Variants in LRRIQ4 observed in about 807,000 individuals in gnomAD.
The protein encoded by LRRIQ4 is leucine rich repeats and IQ motif containing 4.
In LRRIQ4, 21 loss-of-function variants were observed where a neutral mutation model predicts 40.1. The observed-to-expected ratio is 0.52, with a 90% CI of 0.37 to 0.75. The LOEUF (loss-of-function observed/expected upper bound fraction) is 0.75, where lower values mean the gene tolerates loss of function less well. Ranked by LOEUF, LRRIQ4 falls within the 30% of genes least tolerant of loss-of-function variation. The pLI is 0.00. For missense variants in LRRIQ4, 655 were observed against 660.0 expected (o/e 0.99, Z 0.08); for synonymous variants, 277 against 277.1 (o/e 1.00, Z 0.00).
intron 1 of LRRIQ4, among the ~76,000 whole-genome samples, chr3:169,818,753 A>T (rs567636558): frequency 6.6e-6 from 1 of 152,320 alleles, no homozygotes; most frequent in African/African-American, 2.4e-5. Flanking sequence ...GGTTACTTTT[A>T]GTTTGTTTGT....
chr3:169,835,335 T>C (rs755832032), intron 5 of LRRIQ4, among the ~76,000 whole-genome samples: 15 of 151,262 alleles, frequency 9.9e-5, no homozygotes, highest in Non-Finnish European at 2.1e-4. Context: ...CATTTTCTCA[T>C]CAACACTTGT....
chr3:169,831,606 C>A (rs1290879733), intron 4 of LRRIQ4, among the ~76,000 whole-genome samples: 1 of 148,640 alleles, frequency 6.7e-6, no homozygotes, highest in African/African-American at 2.5e-5. Flanking sequence ...CTGGCCCAAA[C>A]TATAGTTATT....
intron 1 of LRRIQ4, among the ~76,000 whole-genome samples, chr3:169,819,703 A>G (rs1247143710): frequency 6.6e-6 from 1 of 152,178 alleles, no homozygotes; most frequent in African/African-American, 2.4e-5. Flanking sequence ...GCAAATAATG[A>G]TGCCTCCTGC....
At chr3:169,825,426 G>A (rs970399260) in intron 2 of LRRIQ4, among the ~76,000 whole-genome samples, 11 of 152,156 alleles carry the variant, frequency 7.2e-5, no homozygotes, top group Non-Finnish European at 1.2e-4. Context: ...GATTTAGGTC[G>A]AGATTCTAGG....
intron 1 of LRRIQ4, among the ~76,000 whole-genome samples, chr3:169,821,085 A>G (rs986201006): frequency 6.6e-6 from 1 of 152,228 alleles, no homozygotes; most frequent in African/African-American, 2.4e-5. Flanking sequence ...GCCATCAGGC[A>G]TGAGAGGGTC....
intron 5 of LRRIQ4, among the ~76,000 whole-genome samples, chr3:169,833,573 T>C (rs1780234839): frequency 6.6e-6 from 1 of 152,232 alleles, no homozygotes; most frequent in Non-Finnish European, 1.5e-5. Context: ...CCCAGGGTTC[T>C]GAGCTGCCAT....
At chr3:169,819,904 A>G (rs1055002043) in intron 1 of LRRIQ4, among the ~76,000 whole-genome samples, 1 of 152,214 alleles carries the variant, frequency 6.6e-6, no homozygotes, top group Non-Finnish European at 1.5e-5. Context: ...GATAAATTTA[A>G]TCTGCCTGAT....
rs778079543 is a variant in LRRIQ4 at position 169,828,850 on chromosome 3, T to C, written c.1112T>C (p.Leu371Ser). ...TCCTTTCCGGAGGAAGTCCTTTCTT[T>C]AGCGTCTTTAGAGAAATTATACATT... ...FLSFPEEVLS[L>S]ASLEKLYIGQ... The change falls in exon 3 of 6, where the codon TTA (leucine) becomes TCA (serine). Residue 371 changes from leucine (L) to serine (S), a missense_variant. Coordinates refer to ENST00000340806, the MANE Select transcript of LRRIQ4 (RefSeq NM_001080460.3). 6.2e-7 allele frequency: 1 copy of C among 1,613,962 alleles called. No homozygotes were observed. Among genetic ancestry groups the C allele is most frequent in the Admixed American group, 1.7e-5 (1 of 60,020 alleles).
chr3:169,822,099 A>C lies in LRRIQ4; in HGVS notation c.178A>C (p.Ile60Leu). The C allele has an allele frequency of 6.2e-7, 1 of 1,610,304 alleles. No homozygotes were observed. Among genetic ancestry groups the C allele is most frequent in the Non-Finnish European group, 8.5e-7 (1 of 1,179,030 alleles). Reference protein sequence around the residue: ...LEEVHLENNQIEEIPQEIQRL... With the variant: ...LEEVHLENNQLEEIPQEIQRL... ...AGAAGTGCATTTGGAGAATAACCAG[A>C]TTGAAGAAATTCCCCAGGAGATTCA... The change falls in exon 2 of 6, where the codon ATT becomes CTT. Residue 60 changes from isoleucine (I) to leucine (L), a missense_variant. Coordinates refer to ENST00000340806, the MANE Select transcript of LRRIQ4 (RefSeq NM_001080460.3).
chr3:169,820,249 CTGTGTG>C (rs55800037), intron 1 of LRRIQ4, among the ~76,000 whole-genome samples: 8,703 of 143,694 alleles, frequency 0.061, 374 homozygotes, highest in African/African-American at 0.11. Flanking sequence ...CCCATAGACT[CTGTGTG>C]TGTGTGTGTG....
chr3:169,828,263 C>T (rs1043478055), intron 2 of LRRIQ4, among the ~76,000 whole-genome samples: 4 of 151,544 alleles, frequency 2.6e-5, no homozygotes, highest in Admixed American at 6.6e-5. Context: ...GACAGATTCT[C>T]GCTCTGTCGC....
intron 4 of LRRIQ4, 48 bp from the exon 5 acceptor site, chr3:169,832,939 T>C (rs769155762): frequency 1.4e-5 from 21 of 1,517,512 alleles, no homozygotes; most frequent in Non-Finnish European, 1.9e-5. Flanking sequence ...GACAAGTTAA[T>C]ATTGTTTCTT....
chr3:169,813,699 C>A (rs1197282887), intron 1 of LRRIQ4, among the ~76,000 whole-genome samples: 1 of 152,242 alleles, frequency 6.6e-6, no homozygotes. Flanking sequence ...GTAACGGGGT[C>A]TTTGAGCCCC....
intron 2 of LRRIQ4, among the ~76,000 whole-genome samples, chr3:169,823,635 C>T (rs1437481205): frequency 1.3e-5 from 2 of 152,160 alleles, no homozygotes; most frequent in African/African-American, 4.8e-5. Context: ...CGTGAGCCAC[C>T]GCGCACGGCC....
intron 2 of LRRIQ4, among the ~76,000 whole-genome samples, chr3:169,828,328 A>G (rs988162660): frequency 4.0e-5 from 6 of 151,776 alleles, no homozygotes; most frequent in Non-Finnish European, 8.8e-5. Flanking sequence ...TGCCTCCCAC[A>G]TTCCAGAGAT....
chr3:169,829,020 G>A lies in LRRIQ4; in HGVS notation c.1194+88G>A, dbSNP rs1255855538. On this transcript the variant is annotated intron_variant, in intron 3 of 5. Coordinates refer to ENST00000340806, the MANE Select transcript of LRRIQ4 (RefSeq NM_001080460.3). ...CTGAGAAAATATGAGGTCTCCACAGGCTGGATGTAGAATCATCCATACTAG... is the reference window on the plus strand; with the variant it reads ...CTGAGAAAATATGAGGTCTCCACAGACTGGATGTAGAATCATCCATACTAG... 9.3e-6 allele frequency: 11 copies of A among 1,185,094 alleles called. No homozygotes were observed. In the East Asian group the frequency reaches 1.7e-4, roughly 18 times the overall value. 73.4% of individuals were successfully genotyped at this position (1,185,094 alleles called of 1,614,324 possible).
chr3:169,822,173 G>A lies in LRRIQ4; in HGVS notation c.252G>A (p.Arg84=), dbSNP rs1779910529. Residue 84 remains arginine (R), a synonymous_variant, in exon 2 of 6, where the codon AGG becomes AGA. Transcript: ENST00000340806. The part of the protein sequence containing the change: ...RVLYLDKNNL[R]SLCPALGLLS... ...TCTACCTGGATAAGAACAACCTGAG[G>A]AGCCTGTGCCCGGCGCTGGGGCTGC... 1 of 1,609,946 alleles carries A rather than the reference G, an allele frequency of 6.2e-7. No homozygotes were observed. The highest frequency in any genetic ancestry group is 1.3e-5 in the African/African-American group (1 of 74,618).
Position 169,833,081 on chromosome 3 carries a change from C to A in LRRIQ4, c.1428C>A (p.Asp476Glu), listed in dbSNP as rs758141125. The A allele has an allele frequency of 8.7e-6, 14 of 1,613,728 alleles. No individual in the cohort carries two copies. Reference protein sequence around the residue: ...LVNLKVLTLMDNPMEEPPKEV... With the variant: ...LVNLKVLTLMENPMEEPPKEV... ...ATCTTAAGGTTCTGACACTGATGGA[C>A]AATCCCATGGAAGAACCCCCAAAAG... The change falls in exon 5 of 6, where the codon GAC (aspartate) becomes GAA (glutamate). Residue 476 changes from aspartate to glutamate, a missense_variant. By Grantham distance (45) the Asp-to-Glu change is conservative. Coordinates refer to ENST00000340806, the MANE Select transcript of LRRIQ4 (RefSeq NM_001080460.3).
At chr3:169,820,879 G>A (rs1158623467) in intron 1 of LRRIQ4, among the ~76,000 whole-genome samples, 3 of 152,292 alleles carry the variant, frequency 2.0e-5, no homozygotes, top group African/African-American at 7.2e-5. Context: ...CGTTTAACCA[G>A]CCAAAGACTA....
Sources: allele counts gnomAD v4.1 joint callset (sites outside exome capture counted in the v4.1 genomes callset), GRCh38; gene constraint gnomAD v4.1.1; transcripts MANE v1.5; gene names NCBI Gene and HGNC (gene_info 2026-07-23, HGNC 2026-07-21).